The following FBXO4 variants were observed in gnomAD, a reference collection of about 807,000 sequenced individuals.
FBXO4 encodes the protein F-box protein 4.
A neutral mutation model predicts 43.7 loss-of-function variants in FBXO4; 36 were observed. That is an observed-to-expected ratio of 0.82 (90% CI 0.63 to 1.09). FBXO4 has a LOEUF of 1.09. FBXO4 is among the 50% of genes least tolerant of loss of function. The pLI is 0.00. For synonymous variants in FBXO4, 180 were observed against 165.6 expected, an observed-to-expected ratio of 1.09 and a Z score of -0.67; for missense variants, 435 against 474.1, an observed-to-expected ratio of 0.92 and a Z score of 0.77.
chr5:42,036,303 T>C, the FBXO4 span, among the ~76,000 whole-genome samples: 1 of 151,842 alleles, frequency 6.6e-6, no homozygotes, highest in East Asian at 1.9e-4. Context: ...ACAGAAGAAG[T>C]AGCATATTAG....
At chr5:42,031,093 C>T in the FBXO4 span, among the ~76,000 whole-genome samples, 1 of 152,140 alleles carries the variant, frequency 6.6e-6, no homozygotes, top group Non-Finnish European at 1.5e-5. Flanking sequence ...TTTGACCCAG[C>T]CATCCCATTA....
the FBXO4 span, among the ~76,000 whole-genome samples, chr5:41,981,352 C>T: frequency 1.3e-4 from 20 of 151,570 alleles, no homozygotes; most frequent in Admixed American, 5.9e-4. Flanking sequence ...TGCCTGAAAA[C>T]TTCAGGGGTT....
intron 3 of FBXO4, among the ~76,000 whole-genome samples, chr5:41,930,730 C>G: frequency 6.7e-6 from 1 of 150,128 alleles, no homozygotes; most frequent in South Asian, 2.1e-4. Context: ...TGCAGTGGCG[C>G]GATCTCGGCT....
the FBXO4 span, among the ~76,000 whole-genome samples, chr5:42,009,115 C>T: frequency 6.6e-6 from 1 of 152,142 alleles, no homozygotes; most frequent in Non-Finnish European, 1.5e-5. Context: ...GCAACAGAGG[C>T]AGTGCTTCAG....
At chr5:41,933,418 A>G (rs922908429) in intron 3 of FBXO4, among the ~76,000 whole-genome samples, 5 of 151,922 alleles carry the variant, frequency 3.3e-5, no homozygotes, top group African/African-American at 9.7e-5. Context: ...GGTTCTCACT[A>G]TGTTGTCTAG....
At chr5:41,992,150 T>C in the FBXO4 span, among the ~76,000 whole-genome samples, 1 of 152,218 alleles carries the variant, frequency 6.6e-6, no homozygotes, top group South Asian at 2.1e-4. Flanking sequence ...TCCTATATAA[T>C]AAATAACACA....
the FBXO4 span, among the ~76,000 whole-genome samples, chr5:42,001,943 C>T: frequency 6.6e-6 from 1 of 152,124 alleles, no homozygotes; most frequent in South Asian, 2.1e-4. Context: ...GCGATCTGCT[C>T]GCTTCAGTCT....
chr5:42,017,440 C>A, the FBXO4 span, among the ~76,000 whole-genome samples: 1 of 145,098 alleles, frequency 6.9e-6, no homozygotes, highest in Non-Finnish European at 1.5e-5. Flanking sequence ...CTTTTTTTTT[C>A]TCTTTTTCAA....
chr5:41,947,096 CAAAG>C, the FBXO4 span, among the ~76,000 whole-genome samples: 1 of 152,022 alleles, frequency 6.6e-6, no homozygotes, highest in Admixed American at 6.6e-5. Flanking sequence ...CAACAGAACA[CAAAG>C]AGCCCTAGAA....
intron 1 of FBXO4, among the ~76,000 whole-genome samples, chr5:41,926,712 T>C (rs1390010994): frequency 6.6e-6 from 1 of 152,232 alleles, no homozygotes; most frequent in Admixed American, 6.5e-5. Flanking sequence ...CAAATATCTC[T>C]GAGGAAAAAT....
chr5:42,012,313 T>C, the FBXO4 span, among the ~76,000 whole-genome samples: 1 of 152,040 alleles, frequency 6.6e-6, no homozygotes, highest in Non-Finnish European at 1.5e-5. Flanking sequence ...TCCAAACCTA[T>C]AGATGTGAGC....
At chr5:41,987,110 AAAC>A in the FBXO4 span, among the ~76,000 whole-genome samples, 1 of 152,164 alleles carries the variant, frequency 6.6e-6, no homozygotes, top group African/African-American at 2.4e-5. Flanking sequence ...ATCTAAGAAT[AAAC>A]AGTGTTTTTA....
chr5:41,989,232 A>T, the FBXO4 span, among the ~76,000 whole-genome samples: 1 of 152,172 alleles, frequency 6.6e-6, no homozygotes, highest in African/African-American at 2.4e-5. Flanking sequence ...GATATACTTA[A>T]TAAGAAATGC....
the FBXO4 span, among the ~76,000 whole-genome samples, chr5:41,973,147 G>A: frequency 3.2e-3 from 493 of 152,064 alleles, 3 homozygotes; most frequent in African/African-American, 0.011. Context: ...CCTACAAAGT[G>A]GGAAAAAATA....
At chr5:41,974,775 C>CT in the FBXO4 span, among the ~76,000 whole-genome samples, 2 of 152,020 alleles carry the variant, frequency 1.3e-5, no homozygotes, top group Non-Finnish European at 2.9e-5. Flanking sequence ...CTGGTGATTG[C>CT]TTTTTTGCTT....
chr5:41,975,074 G>A, the FBXO4 span, among the ~76,000 whole-genome samples: 3 of 152,184 alleles, frequency 2.0e-5, no homozygotes, highest in Admixed American at 1.3e-4. Flanking sequence ...ACTCTTGCCA[G>A]GCTTTTTCAT....
At chr5:41,934,814 A>T in intron 5 of FBXO4, 1 of 987,592 alleles carries the variant, frequency 1.0e-6, no homozygotes, top group African/African-American at 1.7e-5. Flanking sequence ...CTATTCATAT[A>T]TTCTGAATAA....
chr5:41,939,854 TTTTTTTTTTTG>T (rs1751957679), intron 6 of FBXO4, among the ~76,000 whole-genome samples: 1 of 139,578 alleles, frequency 7.2e-6, no homozygotes, highest in Admixed American at 7.1e-5. Context: ...TTTTTTTTTT[TTTTTTTTTTTG>T]TTGAGACAGG....
chr5:41,925,338 C>G lies in FBXO4; in HGVS notation c.29C>G (p.Thr10Arg). MAGSEPRSG[T>R]NSPPPPFSDW... ...GCGGGAAGCGAGCCGCGCAGCGGAACAAACTCGCCGCCGCCGCCCTTCAGC... is the reference window on the plus strand; with the variant it reads ...GCGGGAAGCGAGCCGCGCAGCGGAAGAAACTCGCCGCCGCCGCCCTTCAGC... Residue 10 changes from threonine (T) to arginine (R), a missense_variant, in exon 1 of 7, where the codon ACA becomes AGA. Transcript: ENST00000281623. 4.4e-6 allele frequency: 6 copies of G among 1,364,720 alleles called. No homozygotes were observed. Among genetic ancestry groups the G allele is most frequent in the Admixed American group, 3.9e-5 (1 of 25,346 alleles). 84.5% of individuals were successfully genotyped at this position (1,364,720 alleles called of 1,614,324 possible).
Sources: gnomAD v4.1 joint callset for allele counts (sites outside exome capture counted in the v4.1 genomes callset) on GRCh38, gnomAD v4.1.1 for gene constraint, MANE v1.5 for transcripts, NCBI Gene and HGNC (gene_info 2026-07-23, HGNC 2026-07-21) for gene names.